MGAT4C: variants seen among roughly 807,000 people sequenced by gnomAD.
The protein encoded by MGAT4C is MGAT4 family member C, also known as alpha-1,3-mannosyl-glycoprotein 4-beta-N-acetylglucosaminyltransferase C.
A neutral mutation model predicts 40.1 loss-of-function variants in MGAT4C; 19 were observed. The observed-to-expected ratio is 0.47, with a 90% CI of 0.33 to 0.70. The LOEUF is 0.70. Among genes scored for constraint, MGAT4C ranks in the 30% least tolerant of loss-of-function variants. MGAT4C has a pLI of 0.02. For synonymous variants in MGAT4C, 181 were observed against 187.1 expected, an observed-to-expected ratio of 0.97 and a Z score of 0.27; for missense variants, 491 against 563.2, an observed-to-expected ratio of 0.87 and a Z score of 1.30.
intron 2 of MGAT4C, among the ~76,000 whole-genome samples, chr12:86,573,318 A>G (rs943087141): frequency 1.3e-5 from 2 of 152,058 alleles, no homozygotes; most frequent in Non-Finnish European, 2.9e-5. Context: ...AGGCAATTGA[A>G]CTAAAGGGGT....
intron 1 of MGAT4C, among the ~76,000 whole-genome samples, chr12:86,097,672 A>G (rs911408795): frequency 6.6e-6 from 1 of 151,572 alleles, no homozygotes; most frequent in Non-Finnish European, 1.5e-5. Context: ...TTTAGTATGT[A>G]TTGAGGAAAG....
intron 4 of MGAT4C, among the ~76,000 whole-genome samples, chr12:86,318,305 A>G (rs1954295659): frequency 6.6e-6 from 1 of 152,200 alleles, no homozygotes; most frequent in African/African-American, 2.4e-5. Flanking sequence ...TCTTTCCAAC[A>G]CGCCTCACAT....
intron 2 of MGAT4C, among the ~76,000 whole-genome samples, chr12:86,473,692 C>T (rs1201478520): frequency 2.0e-5 from 3 of 152,154 alleles, no homozygotes; most frequent in Non-Finnish European, 4.4e-5. Flanking sequence ...AAAAGAAATT[C>T]TGCCTACTGC....
chr12:86,744,468 C>T (rs1951120683), intron 1 of MGAT4C, among the ~76,000 whole-genome samples: 1 of 151,490 alleles, frequency 6.6e-6, no homozygotes, highest in South Asian at 2.1e-4. Flanking sequence ...AATCTCTCCT[C>T]CTTCACTCCA....
rs3043125 is a variant in MGAT4C, at chr12:85,958,037, TTGTG to T, written c.*21248_*21251del. ...TTGTTTACAGTTTTTCTAAGTGTTT[TTGTG>T]TGTGTGTGTGTGTGTGTGTGTGTGT... is the stretch of plus-strand genomic sequence containing the variant. On this transcript the variant is annotated 3_prime_UTR_variant, in exon 5 of 5. Coordinates refer to ENST00000611864, the MANE Select transcript of MGAT4C (RefSeq NM_001351288.2). 1,183 of 132,284 alleles carry T rather than the reference TTGTG, an allele frequency of 8.9e-3. 16 individuals are homozygous for T. The highest frequency in any genetic ancestry group is 0.027 in the African/African-American group (1,046 of 38,556). 8.2% of individuals were successfully genotyped at this position (132,284 alleles called of 1,614,324 possible).
At chr12:86,001,023 C>T (rs1286856364) in intron 2 of MGAT4C, among the ~76,000 whole-genome samples, 1 of 152,096 alleles carries the variant, frequency 6.6e-6, no homozygotes, top group Middle Eastern at 3.2e-3. Flanking sequence ...ATTTCAATGG[C>T]TCATAATTTT....
intron 2 of MGAT4C, among the ~76,000 whole-genome samples, chr12:86,517,644 GTTTGTTTGTTTA>G (rs1253256279): frequency 6.6e-6 from 1 of 151,840 alleles, no homozygotes; most frequent in Admixed American, 6.6e-5. Flanking sequence ...TTGTTTGTTT[GTTTGTTTGTTTA>G]TTTATTTAGA....
chr12:86,152,905 T>G (rs1167444629), intron 1 of MGAT4C, among the ~76,000 whole-genome samples: 2 of 152,216 alleles, frequency 1.3e-5, no homozygotes, highest in Non-Finnish European at 2.9e-5. Context: ...CTTGCGTTTT[T>G]TTTCCTTTCA....
rs115692867 is a variant in MGAT4C, at chr12:86,818,995, G to C, written c.-262+19671C>G. Among the ~76,000 whole-genome samples the C allele has an allele frequency of 3.0e-3, 450 of 151,128 alleles. 2 individuals carry two copies. Among genetic ancestry groups the C allele is most frequent in the African/African-American group, 0.01 (421 of 41,460 alleles). ...TGACAACTTAAAAATCTTAAAGTCA[G>C]AGATGGGAATATAATCTCACACATT... On this transcript the variant is annotated intron_variant, in intron 1 of 7. Transcript: ENST00000548651.
chr12:86,222,121 T>A (rs1950905512), intron 1 of MGAT4C, among the ~76,000 whole-genome samples: 1 of 152,190 alleles, frequency 6.6e-6, no homozygotes, highest in African/African-American at 2.4e-5. Context: ...ACTGAAAATA[T>A]AAGCTCTTGC....
chr12:86,291,414 T>C (rs1953513057), intron 4 of MGAT4C, among the ~76,000 whole-genome samples: 1 of 152,166 alleles, frequency 6.6e-6, no homozygotes, highest in Non-Finnish European at 1.5e-5. Flanking sequence ...AGAAATAGCA[T>C]TCACTAAATT....
chr12:86,731,159 A>C (rs1950901042), intron 1 of MGAT4C, among the ~76,000 whole-genome samples: 1 of 152,094 alleles, frequency 6.6e-6, no homozygotes, highest in South Asian at 2.1e-4. Context: ...CTAATTTTTC[A>C]CTTGTAACTA....
intron 1 of MGAT4C, among the ~76,000 whole-genome samples, chr12:86,773,942 C>CTTTTTTTTTTTTTTTTTTTTTTTTTTTT (rs1565980916): frequency 9.4e-6 from 1 of 106,520 alleles, no homozygotes. Context: ...TTTAAAGTAA[C>CTTTTTTTTTTTTTTTTTTTTTTTTTTTT]TTCTTTTTTT....
chr12:86,214,221 C>T (rs1228910004), intron 1 of MGAT4C, among the ~76,000 whole-genome samples: 1 of 152,146 alleles, frequency 6.6e-6, no homozygotes, highest in African/African-American at 2.4e-5. Context: ...GTCTTGTATC[C>T]TCTGCATAGA....
intron 3 of MGAT4C, among the ~76,000 whole-genome samples, chr12:86,393,596 T>C (rs1336658399): frequency 6.6e-6 from 1 of 152,184 alleles, no homozygotes; most frequent in Non-Finnish European, 1.5e-5. Flanking sequence ...TTTAGAGATG[T>C]GGCAGACTCT....
chr12:85,997,393 C>A (rs1191918126), intron 2 of MGAT4C, among the ~76,000 whole-genome samples: 2 of 152,136 alleles, frequency 1.3e-5, no homozygotes, highest in African/African-American at 2.4e-5. Flanking sequence ...TCCTCACATT[C>A]CAAAACAATC....
intron 2 of MGAT4C, among the ~76,000 whole-genome samples, chr12:86,559,943 C>G (rs895895863): frequency 6.6e-6 from 1 of 151,536 alleles, no homozygotes; most frequent in Admixed American, 6.6e-5. Context: ...GGAGAAGGCC[C>G]AAGTAAATAA....
At chr12:86,773,953 T>G (rs1394885117) in intron 1 of MGAT4C, among the ~76,000 whole-genome samples, 1 of 134,670 alleles carries the variant, frequency 7.4e-6, no homozygotes, top group African/African-American at 2.8e-5. Flanking sequence ...TTCTTTTTTT[T>G]TTTTTTTTTT....
At chr12:86,156,157 TATTA>T (rs1884907489) in intron 1 of MGAT4C, among the ~76,000 whole-genome samples, 1 of 152,218 alleles carries the variant, frequency 6.6e-6, no homozygotes, top group South Asian at 2.1e-4. Context: ...AATATCTTGC[TATTA>T]ATTAATGAGT....
Sources: allele counts gnomAD v4.1 joint callset (sites outside exome capture counted in the v4.1 genomes callset), GRCh38; gene constraint gnomAD v4.1.1; transcripts MANE v1.5; gene names NCBI Gene and HGNC (gene_info 2026-07-23, HGNC 2026-07-21).